MAGI3: variants seen among roughly 807,000 people sequenced by gnomAD.
MAGI3 encodes membrane associated guanylate kinase, WW and PDZ domain containing 3, also known as membrane-associated guanylate kinase, WW and PDZ domain-containing protein 3.
A neutral mutation model predicts 121.8 loss-of-function variants in MAGI3; 43 were observed. The observed-to-expected ratio is 0.35, with a 90% CI of 0.28 to 0.46. The LOEUF is 0.46. Ranked by LOEUF, MAGI3 falls within the 20% of genes least tolerant of loss-of-function variation. The probability of loss-of-function intolerance (pLI) is 1.00; values close to 1 mark genes in which losing one functional copy is unlikely to be tolerated. For synonymous variants in MAGI3, 553 were observed against 639.3 expected (o/e 0.86, Z 2.04); for missense variants, 1,547 against 1,797.3 (o/e 0.86, Z 2.52).
At chr1:113,634,574 G>T (rs1034684801) in intron 9 of MAGI3, among the ~76,000 whole-genome samples, 2 of 152,124 alleles carry the variant, frequency 1.3e-5, no homozygotes. Context: ...TGAGGGCTCT[G>T]TTCTGTTCCA....
chr1:113,449,479 T>G (rs1314826056), intron 1 of MAGI3, among the ~76,000 whole-genome samples: 1 of 152,126 alleles, frequency 6.6e-6, no homozygotes, highest in Non-Finnish European at 1.5e-5. Context: ...GATCTATATT[T>G]TTTCATCATT....
At chr1:113,609,902 C>T (rs867442002) in intron 6 of MAGI3, among the ~76,000 whole-genome samples, 23 of 152,140 alleles carry the variant, frequency 1.5e-4, no homozygotes, top group Admixed American at 8.5e-4. Flanking sequence ...CAAATTTTCT[C>T]TTGGCCCTAA....
At chr1:113,400,478 G>A (rs1651342590) in intron 1 of MAGI3, among the ~76,000 whole-genome samples, 1 of 152,086 alleles carries the variant, frequency 6.6e-6, no homozygotes, top group African/African-American at 2.4e-5. Flanking sequence ...TGATTTGCCA[G>A]TAAGAATCAT....
At chr1:113,442,480 A>G (rs1443579095) in intron 1 of MAGI3, among the ~76,000 whole-genome samples, 1 of 152,064 alleles carries the variant, frequency 6.6e-6, no homozygotes, top group Non-Finnish European at 1.5e-5. Context: ...TTTATTGTGG[A>G]TAAGTCATAC....
intron 9 of MAGI3, among the ~76,000 whole-genome samples, chr1:113,639,990 C>T (rs962155916): frequency 7.2e-5 from 11 of 152,200 alleles, no homozygotes; most frequent in Non-Finnish European, 5.9e-5. Context: ...TGAGCCACCA[C>T]GCCCAGCCAG....
chr1:113,409,163 GTTCTTTTTTTTT>G (rs1557739817), intron 1 of MAGI3, among the ~76,000 whole-genome samples: 1 of 145,214 alleles, frequency 6.9e-6, no homozygotes, highest in African/African-American at 2.5e-5. Context: ...AAAAGGATCT[GTTCTTTTTTTTT>G]TTCTTTTTTT....
At chr1:113,487,338 T>G (rs2101575080) in intron 1 of MAGI3, among the ~76,000 whole-genome samples, 1 of 152,328 alleles carries the variant, frequency 6.6e-6, no homozygotes, top group Admixed American at 6.5e-5. Flanking sequence ...TTGTAAATAC[T>G]TGTTAACAGA....
chr1:113,601,146 G>A (rs1213631140), intron 6 of MAGI3, among the ~76,000 whole-genome samples: 5 of 151,966 alleles, frequency 3.3e-5, no homozygotes, highest in Admixed American at 2.0e-4. Flanking sequence ...ATACCATTCA[G>A]GACATAGGCA....
intron 1 of MAGI3, among the ~76,000 whole-genome samples, chr1:113,458,447 G>A (rs1654877565): frequency 6.6e-6 from 1 of 152,132 alleles, no homozygotes; most frequent in African/African-American, 2.4e-5. Flanking sequence ...TCCCCCGGAA[G>A]TCATTATTAT....
chr1:113,588,452 A>G (rs1049768600), intron 4 of MAGI3, among the ~76,000 whole-genome samples: 3 of 152,198 alleles, frequency 2.0e-5, no homozygotes, highest in Non-Finnish European at 4.4e-5. Context: ...GAATGTATAT[A>G]ATAAAGCATC....
intron 19 of MAGI3, among the ~76,000 whole-genome samples, chr1:113,676,623 G>A (rs1647880828): frequency 6.6e-6 from 1 of 152,072 alleles, no homozygotes; most frequent in Non-Finnish European, 1.5e-5. Context: ...CAGCTCATGA[G>A]GGCTTTGCAT....
chr1:113,411,064 T>C (rs992053402), intron 1 of MAGI3, among the ~76,000 whole-genome samples: 3 of 152,152 alleles, frequency 2.0e-5, no homozygotes, highest in African/African-American at 7.2e-5. Flanking sequence ...GATATTTCCA[T>C]TTTAAAAAGT....
intron 1 of MAGI3, among the ~76,000 whole-genome samples, chr1:113,525,780 G>C (rs1028754400): frequency 1.3e-5 from 2 of 152,092 alleles, no homozygotes; most frequent in African/African-American, 4.8e-5. Flanking sequence ...GAGGCAGGCA[G>C]ATCACGAGGT....
intron 1 of MAGI3, among the ~76,000 whole-genome samples, chr1:113,527,184 A>T (rs1031916128): frequency 9.2e-5 from 14 of 151,784 alleles, no homozygotes; most frequent in African/African-American, 3.1e-4. Context: ...GCCAAGGCTA[A>T]CTCCTAGATT....
intron 1 of MAGI3, among the ~76,000 whole-genome samples, chr1:113,518,606 G>A (rs573450444): frequency 6.6e-6 from 1 of 151,978 alleles, no homozygotes; most frequent in Non-Finnish European, 1.5e-5. Flanking sequence ...CCATTTATTA[G>A]TTGCTTCCTT....
At chr1:113,540,618 T>C (rs532128655) in intron 1 of MAGI3, among the ~76,000 whole-genome samples, 1 of 152,234 alleles carries the variant, frequency 6.6e-6, no homozygotes, top group Admixed American at 6.5e-5. Flanking sequence ...GTTAGAAGGG[T>C]AGAGCTGGGT....
chr1:113,657,367 G>A (rs933225743), intron 15 of MAGI3, among the ~76,000 whole-genome samples: 3 of 152,210 alleles, frequency 2.0e-5, no homozygotes, highest in Admixed American at 1.3e-4. Flanking sequence ...TACTAAGACA[G>A]TAACAATCTG....
chr1:113,411,943 T>A (rs1268426235), intron 1 of MAGI3, among the ~76,000 whole-genome samples: 1 of 152,106 alleles, frequency 6.6e-6, no homozygotes, highest in Non-Finnish European at 1.5e-5. Context: ...GATATATAGG[T>A]ATAAATGTGC....
chr1:113,427,403 G>T (rs1653064981), intron 1 of MAGI3, among the ~76,000 whole-genome samples: 1 of 152,218 alleles, frequency 6.6e-6, no homozygotes, highest in Non-Finnish European at 1.5e-5. Context: ...TCCCCTGGCT[G>T]CTTATTAGCA....
Sources: allele counts gnomAD v4.1 joint callset (sites outside exome capture counted in the v4.1 genomes callset), GRCh38; gene constraint gnomAD v4.1.1; transcripts MANE v1.5; gene names NCBI Gene and HGNC (gene_info 2026-07-23, HGNC 2026-07-21).